The following WTAP variants were observed in gnomAD, a reference collection of about 807,000 sequenced individuals.
WTAP encodes the protein WT1 associated protein.
In WTAP, 8 loss-of-function variants were observed where a neutral mutation model predicts 50.0. That is an observed-to-expected ratio of 0.16 (90% CI 0.09 to 0.29). WTAP has a LOEUF of 0.29. Among genes scored for constraint, WTAP ranks in the 10% least tolerant of loss-of-function variants. The pLI is 1.00. For synonymous variants in WTAP, 194 were observed against 169.0 expected, an observed-to-expected ratio of 1.15 and a Z score of -1.15; for missense variants, 295 against 470.7, an observed-to-expected ratio of 0.63 and a Z score of 3.45.
intron 5 of WTAP, among the ~76,000 whole-genome samples, chr6:159,746,808 T>C (rs1779603768): frequency 6.6e-6 from 1 of 152,248 alleles, no homozygotes; most frequent in East Asian, 1.9e-4. Context: ...CTCAGTGTTC[T>C]CTTCCCTAGA....
At chr6:159,743,939 T>A (rs568259628) in intron 5 of WTAP, 147 bp downstream of exon 5, 1 of 921,946 alleles carries the variant, frequency 1.1e-6, no homozygotes, top group Non-Finnish European at 1.4e-6. Context: ...GAATACTAGA[T>A]GAAAAATTTT....
intron 5 of WTAP, among the ~76,000 whole-genome samples, chr6:159,747,854 T>G (rs1357750858): frequency 1.3e-5 from 2 of 151,852 alleles, no homozygotes. Flanking sequence ...TTTGGAGATG[T>G]AATCAAATGG....
chr6:159,752,006 T>C (rs1484270296), intron 6 of WTAP, among the ~76,000 whole-genome samples: 1 of 148,566 alleles, frequency 6.7e-6, no homozygotes, highest in African/African-American at 2.5e-5. Context: ...AAGGCTCCAG[T>C]GAGCTGAGAT....
intron 7 of WTAP, 118 bp from the exon 8 acceptor site, chr6:159,754,910 A>G: frequency 9.1e-7 from 1 of 1,102,466 alleles, no homozygotes; most frequent in Non-Finnish European, 1.2e-6. Context: ...GTGTGATTTT[A>G]GAATTGTATT....
intron 2 of WTAP, among the ~76,000 whole-genome samples, 156 bp from the exon 3 acceptor site, chr6:159,738,831 TAAA>T (rs373027980): frequency 6.9e-6 from 1 of 145,752 alleles, no homozygotes; most frequent in Non-Finnish European, 1.5e-5. Flanking sequence ...TAGTTTACCT[TAAA>T]AAAAAAAAAC....
At chr6:159,732,114 G>T (rs529472701) in intron 1 of WTAP, among the ~76,000 whole-genome samples, 1 of 152,046 alleles carries the variant, frequency 6.6e-6, no homozygotes, top group South Asian at 2.1e-4. Flanking sequence ...TTCGCATCCC[G>T]TGAATGCTGT....
intron 1 of WTAP, among the ~76,000 whole-genome samples, chr6:159,733,832 C>A (rs1318278222): frequency 6.6e-6 from 1 of 152,150 alleles, no homozygotes; most frequent in African/African-American, 2.4e-5. Flanking sequence ...AGGAGAATTG[C>A]TTGAACCCAG....
intron 1 of WTAP, among the ~76,000 whole-genome samples, chr6:159,731,201 AC>A (rs1420864386): frequency 6.6e-6 from 1 of 151,864 alleles, no homozygotes; most frequent in Admixed American, 6.6e-5. Context: ...GTGGCTCACA[AC>A]TGTAGTCCCA....
chr6:159,749,710 G>A (rs1583103923), intron 6 of WTAP, among the ~76,000 whole-genome samples: 2 of 152,178 alleles, frequency 1.3e-5, no homozygotes, highest in South Asian at 4.1e-4. Flanking sequence ...AAGATAATGT[G>A]TTGGAACTGT....
chr6:159,727,577 G>T lies in WTAP; in HGVS notation c.-135G>T. On this transcript the variant is annotated 5_prime_UTR_variant, in exon 1 of 8. Coordinates refer to ENST00000621533, the MANE Select transcript of WTAP (RefSeq NM_001270531.2). ...AGCGCAGGGGTTGCGGCGGGACTAG[G>T]AGCGCGGCGGGGCCGGCGGCAGAGC... 1.0e-6 allele frequency: 1 copy of T among 987,278 alleles called. No individual in the cohort carries two copies. The highest frequency in any genetic ancestry group is 1.2e-6 in the Non-Finnish European group (1 of 831,610). 61.2% of individuals were successfully genotyped at this position (987,278 alleles called of 1,614,324 possible). A position where few individuals can be genotyped will look rare whatever the true frequency, so the allele number is the denominator to read the frequency against.
rs1779700047 is a variant in WTAP at position 159,748,420 on chromosome 6, A to G, written c.452+51A>G. The G allele has an allele frequency of 1.2e-6, 2 of 1,601,174 alleles. No homozygotes were observed. Among genetic ancestry groups the G allele is most frequent in the African/African-American group, 1.3e-5 (1 of 74,658 alleles). The stretch of plus-strand genomic sequence containing the variant: ...AGACTTCCCTGACAGTCCCACTACG[A>G]GAAAGCTGTGGTGGGACAGCCAAGT... On this transcript the variant is annotated intron_variant, in intron 6 of 7. Transcript: ENST00000621533. The surrounding 1 kb of genome is among the most constrained non-coding windows in gnomAD (Gnocchi z 5.6).
At chr6:159,740,394 C>T (rs1038280240) in intron 3 of WTAP, among the ~76,000 whole-genome samples, 10 of 152,210 alleles carry the variant, frequency 6.6e-5, no homozygotes, top group Non-Finnish European at 1.2e-4. Context: ...GACTTTTAGG[C>T]GAGTTTTTTC....
Position 159,755,843 on chromosome 6 carries a change from T to G in WTAP, c.*232T>G. ...TTGTAACAGTTAATTACTTTGAATG[T>G]TGCTAAAAGGACATTTTGTGTAGGG... On this transcript the variant is annotated 3_prime_UTR_variant, in exon 8 of 8. Coordinates refer to ENST00000621533, the MANE Select transcript of WTAP (RefSeq NM_001270531.2). The G allele has an allele frequency of 3.0e-6, 2 of 674,478 alleles. No individual in the cohort carries two copies. Among genetic ancestry groups the G allele is most frequent in the Non-Finnish European group, 4.2e-6 (2 of 478,128 alleles). The allele number at this position is 674,478 out of a possible 1,614,324, so 41.8% of individuals were successfully genotyped here. A position where few individuals can be genotyped will look rare whatever the true frequency, so the allele number is the denominator to read the frequency against.
At chr6:159,727,016 G>GC (rs372692354), upstream of WTAP, 163 of 1,242,898 alleles carry the variant, frequency 1.3e-4, no homozygotes, top group African/African-American at 1.5e-3. Flanking sequence ...GCACGAGGCA[G>GC]CCCCGCAGCC....
intron 1 of WTAP, among the ~76,000 whole-genome samples, chr6:159,732,254 T>G (rs988060207): frequency 4.6e-5 from 7 of 152,174 alleles, no homozygotes; most frequent in African/African-American, 1.4e-4. Context: ...AGCTGGAATT[T>G]ATATTGAACA....
intron 7 of WTAP, among the ~76,000 whole-genome samples, chr6:159,754,445 C>T (rs1301792765): frequency 6.6e-6 from 1 of 152,108 alleles, no homozygotes; most frequent in Non-Finnish European, 1.5e-5. Flanking sequence ...CATAGGTAAA[C>T]GTGAGTCAAA....
intron 1 of WTAP, among the ~76,000 whole-genome samples, chr6:159,729,564 A>C (rs1228316949): frequency 2.9e-5 from 4 of 139,098 alleles, no homozygotes; most frequent in African/African-American, 1.2e-4. Context: ...TTATGTTCAT[A>C]TTTTATTTGA....
At chr6:159,754,943 C>T (rs545558280) in intron 7 of WTAP, 85 bp from the exon 8 acceptor site, 3 of 1,345,048 alleles carry the variant, frequency 2.2e-6, no homozygotes, top group Non-Finnish European at 3.0e-6. Flanking sequence ...CGTTTATTGA[C>T]TCCCTTGCTT....
chr6:159,750,351 G>T (rs1167652903), intron 6 of WTAP, among the ~76,000 whole-genome samples: 1 of 151,934 alleles, frequency 6.6e-6, no homozygotes, highest in Non-Finnish European at 1.5e-5. Context: ...GAGTTCTATG[G>T]TTTTTTTCTT....
Sources: allele counts gnomAD v4.1 joint callset (sites outside exome capture counted in the v4.1 genomes callset), GRCh38; gene constraint gnomAD v4.1.1; non-coding constraint Gnocchi (gnomAD v3.1); transcripts MANE v1.5; gene names NCBI Gene and HGNC (gene_info 2026-07-23, HGNC 2026-07-21).